NBAS: variants seen among roughly 807,000 people sequenced by gnomAD.
NBAS encodes NAG/BC035112 fusion.
In NBAS, 219 loss-of-function variants were observed where a neutral mutation model predicts 302.5. That is an observed-to-expected ratio of 0.72 (90% CI 0.65 to 0.81). The LOEUF (loss-of-function observed/expected upper bound fraction) is 0.81, where lower values mean the gene tolerates loss of function less well. NBAS is among the 30% of genes least tolerant of loss of function. The probability of loss-of-function intolerance (pLI) is 0.00; values close to 1 mark genes in which losing one functional copy is unlikely to be tolerated. For synonymous variants in NBAS, 1,118 were observed against 1,021.6 expected (o/e 1.09, Z -1.80); for missense variants, 2,932 against 2,841.6 (o/e 1.03, Z -0.72).
chr2:14,803,307 C>T, the NBAS span, among the ~76,000 whole-genome samples: 2 of 152,290 alleles, frequency 1.3e-5, no homozygotes, highest in South Asian at 4.1e-4. Flanking sequence ...TAGTTTCTCA[C>T]ATACATGTGC....
chr2:15,102,374 A>G, the NBAS span, among the ~76,000 whole-genome samples: 1 of 152,180 alleles, frequency 6.6e-6, no homozygotes, highest in Non-Finnish European at 1.5e-5. Flanking sequence ...TCCACCCAGG[A>G]CAGCTCTGCC....
chr2:15,470,271 T>C (rs1440282050), intron 16 of NBAS, among the ~76,000 whole-genome samples: 1 of 152,198 alleles, frequency 6.6e-6, no homozygotes, highest in Non-Finnish European at 1.5e-5. Context: ...CAATTCTCTC[T>C]ACACCATCTT....
At chr2:15,268,711 T>C (rs937246647) in intron 44 of NBAS, among the ~76,000 whole-genome samples, 10 of 152,064 alleles carry the variant, frequency 6.6e-5, no homozygotes, top group Admixed American at 3.3e-4. Context: ...GGGAGTAGTA[T>C]AGGAGGACAA....
intron 47 of NBAS, among the ~76,000 whole-genome samples, chr2:15,228,883 A>G (rs1667253892): frequency 6.6e-6 from 1 of 152,188 alleles, no homozygotes; most frequent in South Asian, 2.1e-4. Context: ...GGCAGGAAGA[A>G]TAAGTTTTGG....
chr2:15,153,784 CTCTT>C, the NBAS span, among the ~76,000 whole-genome samples: 4 of 152,292 alleles, frequency 2.6e-5, no homozygotes, highest in Non-Finnish European at 2.9e-5. Flanking sequence ...AAATTTTGGC[CTCTT>C]TCTATGTAAA....
At chr2:14,849,526 A>C in the NBAS span, among the ~76,000 whole-genome samples, 1 of 151,762 alleles carries the variant, frequency 6.6e-6, no homozygotes, top group African/African-American at 2.4e-5. Context: ...ATCCAGGAGA[A>C]CTTCCCCAAC....
At chr2:15,537,713 A>G (rs1663586691) in intron 7 of NBAS, among the ~76,000 whole-genome samples, 1 of 152,230 alleles carries the variant, frequency 6.6e-6, no homozygotes, top group Non-Finnish European at 1.5e-5. Context: ...TATCTTTAAA[A>G]AAAGAAAAAA....
At chr2:15,295,992 GAC>G (rs1670533324) in intron 40 of NBAS, among the ~76,000 whole-genome samples, 1 of 150,996 alleles carries the variant, frequency 6.6e-6, no homozygotes, top group South Asian at 2.1e-4. Flanking sequence ...AAACAAATTG[GAC>G]ACAGAGCTTA....
At chr2:14,938,337 A>G in the NBAS span, among the ~76,000 whole-genome samples, 5 of 152,158 alleles carry the variant, frequency 3.3e-5, 1 homozygote, top group South Asian at 1.0e-3. Context: ...TCACCCCCAT[A>G]TTCATCCTCA....
chr2:15,537,917 A>G (rs959524909), intron 7 of NBAS, among the ~76,000 whole-genome samples: 2 of 152,260 alleles, frequency 1.3e-5, no homozygotes, highest in East Asian at 3.9e-4. Context: ...TTTCCTCCCA[A>G]TCACCCCTGA....
At chr2:14,987,427 C>T in the NBAS span, among the ~76,000 whole-genome samples, 1 of 151,264 alleles carries the variant, frequency 6.6e-6, no homozygotes, top group African/African-American at 2.4e-5. Context: ...TGCATTTTAC[C>T]GACATAGCCT....
intron 35 of NBAS, among the ~76,000 whole-genome samples, chr2:15,349,896 T>C (rs181357488): frequency 1.3e-5 from 2 of 152,314 alleles, no homozygotes; most frequent in East Asian, 1.9e-4. Context: ...GCTACAATGA[T>C]GAACAGTGCA....
At chr2:15,438,268 G>C (rs968991339) in intron 21 of NBAS, among the ~76,000 whole-genome samples, 1 of 152,152 alleles carries the variant, frequency 6.6e-6, no homozygotes, top group Non-Finnish European at 1.5e-5. Flanking sequence ...GAGGTGGCTG[G>C]TGGAGCTCGT....
chr2:15,551,222 C>A (rs1030426202), intron 6 of NBAS, among the ~76,000 whole-genome samples: 1 of 151,802 alleles, frequency 6.6e-6, no homozygotes, highest in African/African-American at 2.4e-5. Context: ...TGCATTTAAT[C>A]CAAAATAAAA....
chr2:15,478,189 T>A, intron 13 of NBAS, 37 bp downstream of exon 13: 1 of 1,325,382 alleles, frequency 7.5e-7, no homozygotes, highest in Non-Finnish European at 1.1e-6. Context: ...AATAGGAGTA[T>A]ATTAAGGTTT....
At chr2:15,047,278 G>C in the NBAS span, among the ~76,000 whole-genome samples, 1 of 152,272 alleles carries the variant, frequency 6.6e-6, no homozygotes, top group Non-Finnish European at 1.5e-5. Context: ...CTATGCCTCA[G>C]CCTTGCCTCT....
chr2:15,489,111 T>C (rs1488852270), intron 11 of NBAS, 89 bp from the exon 12 acceptor site: 3 of 1,409,384 alleles, frequency 2.1e-6, no homozygotes, highest in Non-Finnish European at 3.0e-6. Flanking sequence ...AGGTGCCAAG[T>C]TATAAATGAT....
chr2:14,948,516 A>G, the NBAS span, among the ~76,000 whole-genome samples: 1 of 152,094 alleles, frequency 6.6e-6, no homozygotes, highest in African/African-American at 2.4e-5. Flanking sequence ...CAAATAATAT[A>G]AAATACCTAG....
chr2:15,200,846 T>C (rs1665842189), intron 48 of NBAS, among the ~76,000 whole-genome samples: 1 of 152,206 alleles, frequency 6.6e-6, no homozygotes, highest in African/African-American at 2.4e-5. Context: ...AATTTCTCTA[T>C]GGCTCCTGGA....
Sources: gnomAD v4.1 joint callset for allele counts (sites outside exome capture counted in the v4.1 genomes callset) on GRCh38, gnomAD v4.1.1 for gene constraint, MANE v1.5 for transcripts, NCBI Gene and HGNC (gene_info 2026-07-23, HGNC 2026-07-21) for gene names.